Variants in GUCY1A2 observed in about 807,000 individuals in gnomAD.
GUCY1A2 encodes guanylate cyclase 1 soluble subunit alpha 2, also known as guanylate cyclase soluble subunit alpha-2.
In GUCY1A2, 27 loss-of-function variants were observed where a neutral mutation model predicts 63.5. The observed-to-expected ratio is 0.43, with a 90% CI of 0.31 to 0.59. The LOEUF (loss-of-function observed/expected upper bound fraction) is 0.59. Ranked by LOEUF, GUCY1A2 falls within the 20% of genes least tolerant of loss-of-function variation. The pLI is 0.11. For missense variants in GUCY1A2, 768 were observed against 913.3 expected (o/e 0.84, Z 2.05); for synonymous variants, 364 against 343.5 (o/e 1.06, Z -0.66).
intron 4 of GUCY1A2, among the ~76,000 whole-genome samples, chr11:106,905,320 A>G (rs549855676): frequency 6.6e-6 from 1 of 152,112 alleles, no homozygotes; most frequent in Non-Finnish European, 1.5e-5. Context: ...CTGCAATAAT[A>G]TCATAGATTG....
chr11:106,930,275 G>A (rs1860583251), intron 4 of GUCY1A2, among the ~76,000 whole-genome samples: 1 of 152,178 alleles, frequency 6.6e-6, no homozygotes, highest in Non-Finnish European at 1.5e-5. Flanking sequence ...CTTGCTCAAG[G>A]TTACCCAGCT....
chr11:106,960,234 T>C (rs76374188), intron 3 of GUCY1A2, among the ~76,000 whole-genome samples: 1 of 1,970 alleles, frequency 5.1e-4, no homozygotes, highest in South Asian at 7.0e-3. Context: ...GTTTTGAATT[T>C]TTTTTTTAAA....
In GUCY1A2 at chr11:106,725,152, C is replaced by CTTTTTTTTTTTT. The variant is rs773251118; in HGVS notation, c.1837-16498_1837-16487dup. The stretch of plus-strand genomic sequence containing the variant: ...ATGTATCTTCTTATTGACATAAATT[C>CTTTTTTTTTTTT]TTTTTTTTTTTTTTTTTTTTTTTTT... On this transcript the variant is annotated intron_variant, in intron 6 of 7. Coordinates refer to ENST00000526355, the MANE Select transcript of GUCY1A2 (RefSeq NM_000855.3). 9.6e-4 allele frequency among the ~76,000 whole-genome samples: 22 copies of CTTTTTTTTTTTT among 22,990 alleles called. 10 individuals are homozygous for CTTTTTTTTTTTT. Among genetic ancestry groups the CTTTTTTTTTTTT allele is most frequent in the East Asian group, 2.9e-3 (2 of 686 alleles). 15.1% of individuals were successfully genotyped at this position (22,990 alleles called of 152,430 possible). A position where few individuals can be genotyped will look rare whatever the true frequency, so the allele number is the denominator to read the frequency against.
chr11:106,899,972 G>A (rs777518667), intron 4 of GUCY1A2, among the ~76,000 whole-genome samples: 73 of 151,750 alleles, frequency 4.8e-4, no homozygotes, highest in Non-Finnish European at 6.8e-4. Context: ...TGCAGTCCCA[G>A]CTAATCGGGA....
At chr11:106,876,967 T>C (rs1277996854) in intron 4 of GUCY1A2, among the ~76,000 whole-genome samples, 1 of 152,098 alleles carries the variant, frequency 6.6e-6, no homozygotes, top group Non-Finnish European at 1.5e-5. Context: ...GCAATTATTC[T>C]ACATTATTCT....
chr11:106,748,216 G>C (rs910103836), intron 6 of GUCY1A2, among the ~76,000 whole-genome samples: 1 of 152,158 alleles, frequency 6.6e-6, no homozygotes, highest in Non-Finnish European at 1.5e-5. Flanking sequence ...TGATAATAGA[G>C]CTATCCTCTT....
chr11:106,695,458 G>T (rs1862701374), intron 7 of GUCY1A2, among the ~76,000 whole-genome samples: 1 of 152,036 alleles, frequency 6.6e-6, no homozygotes, highest in Non-Finnish European at 1.5e-5. Flanking sequence ...TGCATTTTTG[G>T]GTGTAGGAGA....
intron 3 of GUCY1A2, among the ~76,000 whole-genome samples, chr11:106,958,844 C>A (rs982695393): frequency 6.6e-6 from 1 of 152,178 alleles, no homozygotes; most frequent in East Asian, 1.9e-4. Flanking sequence ...CTAGCATATA[C>A]ACCTCAAACT....
chr11:106,909,525 C>T (rs533155647), intron 4 of GUCY1A2, among the ~76,000 whole-genome samples: 1 of 151,716 alleles, frequency 6.6e-6, no homozygotes, highest in Non-Finnish European at 1.5e-5. Context: ...CCTGCTTGCT[C>T]CTCCCCTTAA....
At chr11:106,835,484 G>A (rs1278725797) in intron 4 of GUCY1A2, among the ~76,000 whole-genome samples, 1 of 151,624 alleles carries the variant, frequency 6.6e-6, no homozygotes, top group African/African-American at 2.4e-5. Context: ...TAAAGAGAAT[G>A]GGGAGAATAA....
At chr11:106,800,469 C>T (rs181473523) in intron 5 of GUCY1A2, among the ~76,000 whole-genome samples, 152 of 152,184 alleles carry the variant, frequency 1.0e-3, no homozygotes, top group South Asian at 2.5e-3. Context: ...TTCACAATAG[C>T]AAAGACTTGG....
chr11:106,959,648 TG>T (rs1209266793), intron 3 of GUCY1A2, among the ~76,000 whole-genome samples: 2 of 152,290 alleles, frequency 1.3e-5, no homozygotes, highest in East Asian at 3.9e-4. Context: ...ATTTGGAAAG[TG>T]GGGAGTCATA....
chr11:106,756,780 T>C (rs1248256782), intron 6 of GUCY1A2, among the ~76,000 whole-genome samples: 1 of 152,188 alleles, frequency 6.6e-6, no homozygotes, highest in East Asian at 1.9e-4. Flanking sequence ...GTCCCTAACA[T>C]TTTTTCCTTC....
rs1206259795 is a variant in GUCY1A2, at chr11:106,749,895, A to G, written c.1836+26544T>C. Among the ~76,000 whole-genome samples, 3 of 152,052 alleles carry G rather than the reference A, an allele frequency of 2.0e-5. No individual in the cohort carries two copies. In the East Asian group the frequency reaches 5.8e-4, roughly 29 times the overall value. On this transcript the variant is annotated intron_variant, in intron 6 of 7. Transcript: ENST00000526355. ...ACATCTAGCACTAAATACACCAGTAAATATGATTGTATTAGGGTTCTCCAG... is the reference window on the plus strand; with the variant it reads ...ACATCTAGCACTAAATACACCAGTAGATATGATTGTATTAGGGTTCTCCAG...
intron 6 of GUCY1A2, among the ~76,000 whole-genome samples, chr11:106,723,287 A>G (rs1863350509): frequency 6.6e-6 from 1 of 152,182 alleles, no homozygotes; most frequent in Admixed American, 6.5e-5. Context: ...CACAGCTTAG[A>G]AGTCACTTAC....
intron 6 of GUCY1A2, among the ~76,000 whole-genome samples, chr11:106,727,834 C>G (rs1316537665): frequency 6.6e-6 from 1 of 152,166 alleles, no homozygotes. Flanking sequence ...CCTGGCCAAT[C>G]ACACTAATCT....
chr11:106,974,668 C>T (rs1861239649), intron 3 of GUCY1A2, among the ~76,000 whole-genome samples: 1 of 152,180 alleles, frequency 6.6e-6, no homozygotes, highest in Non-Finnish European at 1.5e-5. Flanking sequence ...TCCTTACTAG[C>T]CCTCTCCCAA....
intron 6 of GUCY1A2, among the ~76,000 whole-genome samples, chr11:106,720,374 G>C (rs1384156466): frequency 6.6e-6 from 1 of 152,194 alleles, no homozygotes; most frequent in Non-Finnish European, 1.5e-5. Context: ...ATGGTGCTGG[G>C]GTGGAGGGCA....
intron 1 of GUCY1A2, among the ~76,000 whole-genome samples, chr11:107,017,511 C>G (rs1451507946): frequency 6.6e-6 from 1 of 152,194 alleles, no homozygotes; most frequent in Non-Finnish European, 1.5e-5. Flanking sequence ...GACAGGCCCC[C>G]GAATCAGGAT....
Sources: gnomAD v4.1 joint callset for allele counts (sites outside exome capture counted in the v4.1 genomes callset) on GRCh38, gnomAD v4.1.1 for gene constraint, MANE v1.5 for transcripts, NCBI Gene and HGNC (gene_info 2026-07-23, HGNC 2026-07-21) for gene names.